ARL8B: variants seen among roughly 807,000 people sequenced by gnomAD.
ARL8B encodes ADP-ribosylation factor-like protein 8B.
In ARL8B, 9 loss-of-function variants were observed where a neutral mutation model predicts 30.6. That is an observed-to-expected ratio of 0.29 (90% CI 0.18 to 0.51). The LOEUF is 0.51. Ranked by LOEUF, ARL8B falls within the 20% of genes least tolerant of loss-of-function variation. The probability of loss-of-function intolerance (pLI) is 0.97; values close to 1 mark genes in which losing one functional copy is unlikely to be tolerated. For synonymous variants in ARL8B, 74 were observed against 76.0 expected (o/e 0.97, Z 0.14); for missense variants, 130 against 227.2 (o/e 0.57, Z 2.75).
At chr3:5,153,149 A>G (rs2054500526) in intron 1 of ARL8B, among the ~76,000 whole-genome samples, 1 of 152,144 alleles carries the variant, frequency 6.6e-6, no homozygotes, top group Non-Finnish European at 1.5e-5. Context: ...GAATGTAGAA[A>G]CCTTAGCAAC....
chr3:5,122,697 G>T, intron 1 of ARL8B, 109 bp downstream of exon 1: 1 of 1,273,816 alleles, frequency 7.9e-7, no homozygotes, highest in Non-Finnish European at 1.1e-6. Flanking sequence ...GACTGATGGC[G>T]GGGGGCGTGC....
chr3:5,127,422 A>G (rs909401935), intron 1 of ARL8B, among the ~76,000 whole-genome samples: 2 of 152,206 alleles, frequency 1.3e-5, no homozygotes, highest in African/African-American at 4.8e-5. Flanking sequence ...GCTTTATAGA[A>G]TAAGAAATAC....
chr3:5,169,810 A>G (rs2054655490), intron 1 of ARL8B, among the ~76,000 whole-genome samples: 1 of 150,620 alleles, frequency 6.6e-6, no homozygotes, highest in South Asian at 2.1e-4. Flanking sequence ...AGTAGTGACT[A>G]TGGCTGTGTT....
intron 6 of ARL8B, among the ~76,000 whole-genome samples, chr3:5,178,122 C>A (rs2054745854): frequency 6.6e-6 from 1 of 152,236 alleles, no homozygotes; most frequent in Non-Finnish European, 1.5e-5. Flanking sequence ...GTGAACCCTG[C>A]ACCAGCCTTG....
chr3:5,157,152 G>C (rs1466189857), intron 1 of ARL8B: 1 of 152,214 alleles, frequency 6.6e-6, no homozygotes, highest in Non-Finnish European at 1.5e-5. Flanking sequence ...AAGCCTTGCT[G>C]GTGCTATTTG....
At chr3:5,132,595 G>C (rs1482629837) in intron 1 of ARL8B, among the ~76,000 whole-genome samples, 5 of 152,116 alleles carry the variant, frequency 3.3e-5, no homozygotes, top group Non-Finnish European at 7.4e-5. Flanking sequence ...CTAATAGTCT[G>C]TCCCTTTTCA....
intron 1 of ARL8B, among the ~76,000 whole-genome samples, chr3:5,148,362 G>A (rs1238318425): frequency 1.3e-5 from 2 of 152,170 alleles, no homozygotes; most frequent in Non-Finnish European, 2.9e-5. Context: ...GGATAGGGAA[G>A]TTCTCAGTAT....
At chr3:5,154,415 A>G (rs1336440552) in intron 1 of ARL8B, among the ~76,000 whole-genome samples, 1 of 151,588 alleles carries the variant, frequency 6.6e-6, no homozygotes, top group Non-Finnish European at 1.5e-5. Flanking sequence ...GCTCAGTGCA[A>G]CCTCTGCCTT....
At chr3:5,161,054 G>A (rs1575570823) in intron 1 of ARL8B, among the ~76,000 whole-genome samples, 2 of 152,118 alleles carry the variant, frequency 1.3e-5, no homozygotes, top group Non-Finnish European at 2.9e-5. Context: ...AAGTAGCTTG[G>A]GACCGCAGGC....
intron 1 of ARL8B, among the ~76,000 whole-genome samples, chr3:5,131,502 T>C (rs2054283738): frequency 6.6e-6 from 1 of 152,062 alleles, no homozygotes; most frequent in African/African-American, 2.4e-5. Context: ...GCGATTCTCC[T>C]GCCTCAGCCT....
At chr3:5,124,725 G>A (rs1171609115) in intron 1 of ARL8B, among the ~76,000 whole-genome samples, 1 of 152,138 alleles carries the variant, frequency 6.6e-6, no homozygotes, top group African/African-American at 2.4e-5. Flanking sequence ...CAGTCTTCCT[G>A]CCTTGGCCTC....
chr3:5,139,375 T>G (rs1253095401), intron 1 of ARL8B, among the ~76,000 whole-genome samples: 1 of 152,216 alleles, frequency 6.6e-6, no homozygotes, highest in Non-Finnish European at 1.5e-5. Flanking sequence ...GGATTGCCTA[T>G]TTATCTTATG....
chr3:5,142,759 T>G (rs2054385440), intron 1 of ARL8B, among the ~76,000 whole-genome samples: 2 of 152,208 alleles, frequency 1.3e-5, no homozygotes, highest in South Asian at 4.1e-4. Context: ...TTTATTAGTT[T>G]GAGAACAAAT....
At chr3:5,138,380 A>G (rs951303874) in intron 1 of ARL8B, among the ~76,000 whole-genome samples, 1 of 152,166 alleles carries the variant, frequency 6.6e-6, no homozygotes, top group African/African-American at 2.4e-5. Flanking sequence ...CTAAAGTGGA[A>G]AATCACTTTT....
At chr3:5,152,218 T>C (rs2054491137) in intron 1 of ARL8B, among the ~76,000 whole-genome samples, 1 of 152,248 alleles carries the variant, frequency 6.6e-6, no homozygotes, top group Non-Finnish European at 1.5e-5. Context: ...TGTGGGTTTA[T>C]TTCAATTCTA....
At chr3:5,150,347 C>T (rs2054469699) in intron 1 of ARL8B, among the ~76,000 whole-genome samples, 1 of 151,682 alleles carries the variant, frequency 6.6e-6, no homozygotes, top group Non-Finnish European at 1.5e-5. Flanking sequence ...CCTGTAATCC[C>T]AGCTACTCAG....
intron 2 of ARL8B, among the ~76,000 whole-genome samples, chr3:5,171,445 A>C (rs1002320812): frequency 1.5e-4 from 23 of 151,888 alleles, no homozygotes; most frequent in African/African-American, 5.6e-4. Context: ...TCCGACTCCC[A>C]GGTTCAAGTG....
intron 1 of ARL8B, among the ~76,000 whole-genome samples, chr3:5,147,274 G>A (rs2054428062): frequency 6.6e-6 from 1 of 152,072 alleles, no homozygotes; most frequent in Non-Finnish European, 1.5e-5. Context: ...GCAGTGTTTA[G>A]TTTTCTGTCC....
At chr3:5,134,801 C>A (rs1255528450) in intron 1 of ARL8B, among the ~76,000 whole-genome samples, 1 of 152,134 alleles carries the variant, frequency 6.6e-6, no homozygotes, top group Non-Finnish European at 1.5e-5. Context: ...TTGGAACATG[C>A]GGACATTACC....
Sources: allele counts gnomAD v4.1 joint callset (sites outside exome capture counted in the v4.1 genomes callset), GRCh38; gene constraint gnomAD v4.1.1; transcripts MANE v1.5; gene names NCBI Gene and HGNC (gene_info 2026-07-23, HGNC 2026-07-21).